The following ANO2 variants were observed in gnomAD, a reference collection of about 807,000 sequenced individuals.
The protein encoded by ANO2 is anoctamin 2, also known as anoctamin-2.
Under a neutral mutation model 124.2 loss-of-function variants are expected in ANO2, and 101 were observed. The ratio of observed to expected loss-of-function variants is 0.81; its 90% CI spans 0.69 to 0.96. The LOEUF is 0.96. ANO2 is among the 40% of genes least tolerant of loss of function. The probability of loss-of-function intolerance (pLI) is 0.00; values close to 1 mark genes in which losing one functional copy is unlikely to be tolerated. For synonymous variants in ANO2, 486 were observed against 482.5 expected (o/e 1.01, Z -0.09); for missense variants, 1,293 against 1,274.5 (o/e 1.01, Z -0.22).
At chr12:5,697,025 C>G (rs1949210773) in intron 14 of ANO2, among the ~76,000 whole-genome samples, 1 of 152,108 alleles carries the variant, frequency 6.6e-6, no homozygotes, top group Non-Finnish European at 1.5e-5. Flanking sequence ...ATACTAAAAG[C>G]AGTCCATTTA....
intron 10 of ANO2, among the ~76,000 whole-genome samples, chr12:5,753,668 C>A (rs983198012): frequency 2.0e-5 from 3 of 151,900 alleles, no homozygotes; most frequent in African/African-American, 7.3e-5. Context: ...GTGAATGGTA[C>A]TTTTCTTCTT....
intron 14 of ANO2, among the ~76,000 whole-genome samples, chr12:5,727,142 G>A (rs1009042229): frequency 3.9e-5 from 6 of 152,272 alleles, no homozygotes; most frequent in Middle Eastern, 3.4e-3. Context: ...GGAGACTGGC[G>A]GGAGGTGTTT....
At chr12:5,752,679 C>A (rs1951473277) in intron 10 of ANO2, among the ~76,000 whole-genome samples, 1 of 152,126 alleles carries the variant, frequency 6.6e-6, no homozygotes, top group African/African-American at 2.4e-5. Context: ...TGCATATTGA[C>A]TTTCACTCTG....
chr12:5,585,020 G>A (rs78764473), intron 20 of ANO2, among the ~76,000 whole-genome samples: 99 of 152,208 alleles, frequency 6.5e-4, no homozygotes, highest in African/African-American at 2.2e-3. Context: ...AGATGGACAT[G>A]GAAACAATCC....
At position 5,632,236 on chromosome 12, in the gene ANO2, A is replaced by G. The variant is rs1238250111; in HGVS notation, c.1816+2916T>C. ...AGGTAGACAAGAGCAATGCCCCAGA[A>G]CAATGCTCACTGGGGTTCCTGATGG... On this transcript the variant is annotated intron_variant, in intron 16 of 24. Coordinates refer to ENST00000682330, the MANE Select transcript of ANO2 (RefSeq NM_001364791.2). Among the ~76,000 whole-genome samples, 3 of 152,154 alleles carry G rather than the reference A, an allele frequency of 2.0e-5. No homozygotes were observed. The East Asian group carries it at 5.8e-4, about 29-fold the overall frequency.
chr12:5,827,160 G>GACTGCCTGCCTTAT (rs1413967964), intron 7 of ANO2, among the ~76,000 whole-genome samples: 1 of 152,176 alleles, frequency 6.6e-6, no homozygotes, highest in African/African-American at 2.4e-5. Context: ...TCAGGATCTG[G>GACTGCCTGCCTTAT]ACTGCCTGCC....
At chr12:5,859,085 G>A (rs1955190354) in intron 3 of ANO2, among the ~76,000 whole-genome samples, 1 of 152,234 alleles carries the variant, frequency 6.6e-6, no homozygotes, top group Admixed American at 6.5e-5. Context: ...TTAGCCGTCA[G>A]AGGATACAAT....
chr12:5,828,218 T>TTG (rs1954045788), intron 6 of ANO2, among the ~76,000 whole-genome samples: 2 of 151,560 alleles, frequency 1.3e-5, no homozygotes, highest in African/African-American at 2.4e-5. Flanking sequence ...TCGGGGAACC[T>TTG]CAGGGAAGGC....
chr12:5,813,234 G>T (rs1953493586), intron 7 of ANO2, among the ~76,000 whole-genome samples: 1 of 152,282 alleles, frequency 6.6e-6, no homozygotes, highest in Admixed American at 6.5e-5. Flanking sequence ...TATCTTTGGG[G>T]GGTCAGAACC....
chr12:5,839,683 G>A, intron 4 of ANO2: 1 of 454,472 alleles, frequency 2.2e-6, no homozygotes, highest in Admixed American at 2.4e-5. Context: ...ACCCTTCCAT[G>A]TATGGAATGT....
intron 15 of ANO2, among the ~76,000 whole-genome samples, chr12:5,643,721 C>T (rs1032258513): frequency 6.6e-6 from 1 of 152,146 alleles, no homozygotes; most frequent in Non-Finnish European, 1.5e-5. Context: ...ACACTTGTTA[C>T]TGACAGACTT....
At chr12:5,700,438 G>T in intron 14 of ANO2, among the ~76,000 whole-genome samples, 1 of 152,214 alleles carries the variant, frequency 6.6e-6, no homozygotes, top group African/African-American at 2.4e-5. Context: ...GACATTTAAA[G>T]CAGTATGTAA....
At chr12:5,625,195 G>A (rs930269501) in intron 16 of ANO2, among the ~76,000 whole-genome samples, 43 of 152,170 alleles carry the variant, frequency 2.8e-4, no homozygotes, top group Admixed American at 2.7e-3. Flanking sequence ...AATGGTGTGG[G>A]GGGGAGTGCG....
intron 10 of ANO2, among the ~76,000 whole-genome samples, chr12:5,794,640 A>T (rs1952793757): frequency 6.6e-6 from 1 of 152,164 alleles, no homozygotes; most frequent in African/African-American, 2.4e-5. Context: ...GATAGGTTTG[A>T]ACATTATTAT....
At chr12:5,870,660 T>A (rs1955550550) in intron 3 of ANO2, among the ~76,000 whole-genome samples, 1 of 152,238 alleles carries the variant, frequency 6.6e-6, no homozygotes, top group Non-Finnish European at 1.5e-5. Context: ...TAAATAGAAC[T>A]GCATCTTTTC....
intron 3 of ANO2, chr12:5,858,800 T>A (rs1955183585): frequency 6.6e-6 from 1 of 152,186 alleles, no homozygotes. Context: ...ATCTGAAACT[T>A]CTTCTGTATT....
chr12:5,640,576 A>T (rs950932757), intron 15 of ANO2, among the ~76,000 whole-genome samples: 1 of 152,240 alleles, frequency 6.6e-6, no homozygotes, highest in Non-Finnish European at 1.5e-5. Context: ...ATATGAACAG[A>T]CACTTCTCAA....
chr12:5,612,289 C>T (rs553955844), intron 19 of ANO2, among the ~76,000 whole-genome samples: 2 of 152,090 alleles, frequency 1.3e-5, no homozygotes, highest in African/African-American at 2.4e-5. Context: ...TAAATGATTC[C>T]ATTACATTTC....
chr12:5,753,280 G>A (rs990537310), intron 10 of ANO2, among the ~76,000 whole-genome samples: 1 of 152,118 alleles, frequency 6.6e-6, no homozygotes, highest in African/African-American at 2.4e-5. Context: ...GGTATGGTAT[G>A]GTCATCCACA....
Sources: allele counts gnomAD v4.1 joint callset (sites outside exome capture counted in the v4.1 genomes callset), GRCh38; gene constraint gnomAD v4.1.1; transcripts MANE v1.5; gene names NCBI Gene and HGNC (gene_info 2026-07-23, HGNC 2026-07-21).